Variants in PPP3R1 observed in about 807,000 individuals in gnomAD.
PPP3R1 encodes the protein calcineurin subunit B type 1.
PPP3R1 carries 5 observed loss-of-function variants against 22.6 expected under a neutral mutation model. That is an observed-to-expected ratio of 0.22 (90% CI 0.12 to 0.46). The LOEUF is 0.46. PPP3R1 is among the 20% of genes least tolerant of loss of function. PPP3R1 has a pLI of 0.99. For missense variants in PPP3R1, 61 were observed against 203.2 expected, an observed-to-expected ratio of 0.30 and a Z score of 4.25; for synonymous variants, 56 against 65.2, an observed-to-expected ratio of 0.86 and a Z score of 0.68.
chr2:68,237,906 C>A (rs1288235105), intron 1 of PPP3R1, among the ~76,000 whole-genome samples: 1 of 152,140 alleles, frequency 6.6e-6, no homozygotes, highest in East Asian at 1.9e-4. Flanking sequence ...AAGGTAAACA[C>A]TGTTCATAAA....
At chr2:68,244,463 G>A (rs1374897915) in intron 1 of PPP3R1, among the ~76,000 whole-genome samples, 1 of 152,112 alleles carries the variant, frequency 6.6e-6, no homozygotes, top group Non-Finnish European at 1.5e-5. Context: ...ATTATCCTGA[G>A]ATACTAAGAT....
intron 2 of PPP3R1, among the ~76,000 whole-genome samples, chr2:68,191,824 A>G (rs1488074457): frequency 6.6e-5 from 10 of 152,310 alleles, no homozygotes; most frequent in Middle Eastern, 3.4e-3. Flanking sequence ...AATATGTGAC[A>G]TAACTGCAAA....
intron 1 of PPP3R1, among the ~76,000 whole-genome samples, chr2:68,230,669 G>C (rs947160583): frequency 6.7e-6 from 1 of 149,488 alleles, no homozygotes; most frequent in Non-Finnish European, 1.5e-5. Context: ...TCTGTTTTCA[G>C]AATGTCTTTT....
At chr2:68,231,082 C>T (rs763876706) in intron 1 of PPP3R1, among the ~76,000 whole-genome samples, 4 of 152,048 alleles carry the variant, frequency 2.6e-5, no homozygotes, top group Non-Finnish European at 5.9e-5. Context: ...CAATCCTGCC[C>T]TCTCTCTTCC....
intron 1 of PPP3R1, among the ~76,000 whole-genome samples, chr2:68,220,080 C>G (rs1239609620): frequency 1.3e-5 from 2 of 152,120 alleles, no homozygotes; most frequent in African/African-American, 4.8e-5. Context: ...CAGGCATTTT[C>G]TGTGATCATC....
At chr2:68,219,193 C>T (rs142260782) in intron 1 of PPP3R1, among the ~76,000 whole-genome samples, 2 of 152,206 alleles carry the variant, frequency 1.3e-5, no homozygotes, top group East Asian at 3.9e-4. Context: ...CAAACAGCAC[C>T]ACCATCTCTA....
chr2:68,230,722 A>G (rs12476697), intron 1 of PPP3R1, among the ~76,000 whole-genome samples: 113,234 of 152,096 alleles, frequency 0.74, 43,149 homozygotes, highest in African/African-American at 0.93. Flanking sequence ...TACTCTCTTC[A>G]TTTTCCTTCA....
In PPP3R1 at chr2:68,232,752, A is replaced by G. The variant is rs182753581; in HGVS notation, c.4-15621T>C. Among the ~76,000 whole-genome samples the G allele has an allele frequency of 2.5e-3, 376 of 152,030 alleles. 2 individuals carry two copies. The highest frequency in any genetic ancestry group is 8.5e-3 in the African/African-American group (351 of 41,494). ...CTCTCGAGTAGCTGGGATTACAGGC[A>G]TGCACCACTTTGCCCAGCTAATTTT... On this transcript the variant is annotated intron_variant, in intron 1 of 5. Coordinates refer to ENST00000234310, the MANE Select transcript of PPP3R1 (RefSeq NM_000945.4).
At chr2:68,244,651 C>T (rs565850330) in intron 1 of PPP3R1, among the ~76,000 whole-genome samples, 1 of 152,204 alleles carries the variant, frequency 6.6e-6, no homozygotes, top group South Asian at 2.1e-4. Context: ...CCTCTCCTGG[C>T]TTTTCTAATT....
In PPP3R1 at chr2:68,252,357, A is replaced by G; in HGVS notation, c.-230T>C. The G allele has an allele frequency of 9.9e-7, 1 of 1,006,950 alleles. No individual in the cohort carries two copies. The highest frequency in any genetic ancestry group is 1.2e-6 in the Non-Finnish European group (1 of 845,182). The allele number at this position is 1,006,950 out of a possible 1,614,324, so 62.4% of individuals were successfully genotyped here. ...GGGAAATAAATTAAGGTCGAGATTC[A>G]GAGCCGGAGAGCGCGGGAGGAGCAG... On this transcript the variant is annotated 5_prime_UTR_variant, in exon 1 of 6. Coordinates refer to ENST00000234310, the MANE Select transcript of PPP3R1 (RefSeq NM_000945.4).
At chr2:68,232,961 T>C (rs1669947694) in intron 1 of PPP3R1, among the ~76,000 whole-genome samples, 1 of 152,204 alleles carries the variant, frequency 6.6e-6, no homozygotes, top group Admixed American at 6.5e-5. Flanking sequence ...AAAGATATCC[T>C]AGCCAGGCTA....
intron 1 of PPP3R1, among the ~76,000 whole-genome samples, chr2:68,244,727 T>G (rs921311108): frequency 6.6e-6 from 1 of 152,112 alleles, no homozygotes; most frequent in Non-Finnish European, 1.5e-5. Context: ...CCACTGAAGT[T>G]AATTATCCTT....
chr2:68,206,787 T>C (rs1445311410), intron 2 of PPP3R1, among the ~76,000 whole-genome samples: 4 of 152,208 alleles, frequency 2.6e-5, no homozygotes, highest in Non-Finnish European at 5.9e-5. Flanking sequence ...CTTACTTATC[T>C]GTGTGGCACA....
intron 1 of PPP3R1, among the ~76,000 whole-genome samples, chr2:68,237,293 A>C (rs974090226): frequency 4.6e-5 from 7 of 152,162 alleles, no homozygotes; most frequent in Non-Finnish European, 1.0e-4. Context: ...ACAATTTATC[A>C]AACATCTTAA....
chr2:68,218,116 C>T (rs998723357), intron 1 of PPP3R1, among the ~76,000 whole-genome samples: 5 of 152,074 alleles, frequency 3.3e-5, no homozygotes, highest in African/African-American at 1.2e-4. Flanking sequence ...ACGAAGCATC[C>T]TATATTCTAT....
chr2:68,183,847 C>G (rs1253667674), intron 5 of PPP3R1, among the ~76,000 whole-genome samples: 3 of 152,152 alleles, frequency 2.0e-5, no homozygotes, highest in African/African-American at 4.8e-5. Context: ...CACTGGAACT[C>G]TGGGTGAATG....
At chr2:68,251,911 G>A (rs1670369197) in intron 1 of PPP3R1, among the ~76,000 whole-genome samples, 1 of 146,882 alleles carries the variant, frequency 6.8e-6, no homozygotes, top group Non-Finnish European at 1.5e-5. Flanking sequence ...GCAGAGGCCG[G>A]GGGCGGGCGC....
At chr2:68,192,112 T>C (rs1644214028) in intron 2 of PPP3R1, among the ~76,000 whole-genome samples, 2 of 152,330 alleles carry the variant, frequency 1.3e-5, no homozygotes, top group Admixed American at 1.3e-4. Flanking sequence ...TTAAAACTAC[T>C]AGCTAACCAG....
Position 68,220,207 on chromosome 2 carries a change from C to T in PPP3R1, c.4-3076G>A, listed in dbSNP as rs115189054. 5.3e-3 allele frequency among the ~76,000 whole-genome samples: 804 copies of T among 152,230 alleles called. 5 individuals carry two copies. Among genetic ancestry groups the T allele is most frequent in the African/African-American group, 0.018 (766 of 41,534 alleles). On this transcript the variant is annotated intron_variant, in intron 1 of 5. Coordinates refer to ENST00000234310, the MANE Select transcript of PPP3R1 (RefSeq NM_000945.4). ...GAACAGAAACACAATCCCGAGACAT[C>T]GCCAAATTGAGAAGTCAGAGATACA...
Sources: allele counts gnomAD v4.1 joint callset (sites outside exome capture counted in the v4.1 genomes callset), GRCh38; gene constraint gnomAD v4.1.1; transcripts MANE v1.5; gene names NCBI Gene and HGNC (gene_info 2026-07-23, HGNC 2026-07-21).